The following COLGALT2 variants were observed in gnomAD, a reference collection of about 807,000 sequenced individuals.
COLGALT2 encodes the protein procollagen galactosyltransferase 2.
Under a neutral mutation model 73.4 loss-of-function variants are expected in COLGALT2, and 49 were observed. The ratio of observed to expected loss-of-function variants is 0.67; its 90% confidence interval spans 0.53 to 0.85. The LOEUF (loss-of-function observed/expected upper bound fraction) is 0.85, where lower values mean the gene tolerates loss of function less well. COLGALT2 is among the 40% of genes least tolerant of loss of function. COLGALT2 has a pLI of 0.00. For synonymous variants in COLGALT2, 295 were observed against 307.6 expected (o/e 0.96, Z 0.43); for missense variants, 722 against 790.2 (o/e 0.91, Z 1.03).
chr1:184,034,079 C>A (rs2102864604), intron 1 of COLGALT2, among the ~76,000 whole-genome samples: 1 of 152,260 alleles, frequency 6.6e-6, no homozygotes, highest in East Asian at 1.9e-4. Context: ...CTGTAACATC[C>A]TAAACTGAGG....
intron 6 of COLGALT2, among the ~76,000 whole-genome samples, chr1:183,955,459 G>A (rs778946149): frequency 2.0e-5 from 3 of 152,128 alleles, no homozygotes; most frequent in Non-Finnish European, 4.4e-5. Context: ...GTGTGGGTGC[G>A]CAAAAGGTCC....
In COLGALT2 at chr1:183,945,538, G is replaced by A. The variant is rs1031557853; in HGVS notation, c.1163C>T (p.Ala388Val). 5 of 1,614,044 alleles carry A rather than the reference G, an allele frequency of 3.1e-6. No homozygotes were observed. In the East Asian group the frequency reaches 1.1e-4, roughly 36 times the overall value. Reference sequence around the variant, plus strand: ...GCCAGGCAGCATTTCAATATTCAGTGCCTTCAGCTGGCTTGTGTTGAGTGC... The same window carrying A: ...GCCAGGCAGCATTTCAATATTCAGTACCTTCAGCTGGCTTGTGTTGAGTGC... ...GKALNTSQLK[A>V]LNIEMLPGYR... The change falls in exon 9 of 12, where the codon GCA becomes GTA. Residue 388 changes from alanine to valine, a missense_variant. Transcript: ENST00000361927.
chr1:184,032,621 A>G (rs911290442), intron 1 of COLGALT2, among the ~76,000 whole-genome samples: 1 of 152,214 alleles, frequency 6.6e-6, no homozygotes, highest in Admixed American at 6.5e-5. Context: ...AAAGGTGAGG[A>G]AAACAGACTA....
At chr1:183,972,029 A>C (rs923990277) in intron 4 of COLGALT2, among the ~76,000 whole-genome samples, 2 of 152,226 alleles carry the variant, frequency 1.3e-5, no homozygotes, top group Non-Finnish European at 2.9e-5. Context: ...CACACTACTG[A>C]CCTTATTTCT....
intron 5 of COLGALT2, 42 bp from the exon 6 acceptor site, chr1:183,964,062 A>G (rs1670797809): frequency 6.2e-7 from 1 of 1,607,018 alleles, no homozygotes; most frequent in Non-Finnish European, 8.5e-7. Context: ...ATCAGAAAAC[A>G]TACTGCTGAG....
intron 1 of COLGALT2, among the ~76,000 whole-genome samples, chr1:183,980,744 T>TAC (rs147251301): frequency 0.047 from 7,056 of 151,578 alleles, 533 homozygotes; most frequent in African/African-American, 0.16. Context: ...TATAAAGATT[T>TAC]ACACACACAC....
intron 10 of COLGALT2, among the ~76,000 whole-genome samples, chr1:183,942,081 T>C (rs1670129724): frequency 6.6e-6 from 1 of 152,088 alleles, no homozygotes; most frequent in African/African-American, 2.4e-5. Context: ...CCTGAGTAGC[T>C]GGGACTACAG....
At chr1:183,959,414 C>A (rs565589453) in intron 6 of COLGALT2, among the ~76,000 whole-genome samples, 2 of 152,132 alleles carry the variant, frequency 1.3e-5, no homozygotes, top group East Asian at 1.9e-4. Flanking sequence ...AGCTCCCCAA[C>A]CCCCAGTCTT....
chr1:183,973,652 G>T lies in COLGALT2; in HGVS notation c.591C>A (p.Gly197=). Residue 197 remains glycine, a synonymous_variant, in exon 4 of 12, where the codon GGC becomes GGA. Transcript: ENST00000361927. ...TTCCGCACCAGAAATTAGAATACAGGCCCCGAGACTCCAGCATGGGGGCCA... is the reference window on the plus strand; with the variant it reads ...TTCCGCACCAGAAATTAGAATACAGTCCCCGAGACTCCAGCATGGGGGCCA... ...TIVAPMLESR[G]LYSNFWCGIT... 3.7e-6 allele frequency: 6 copies of T among 1,613,968 alleles called. No homozygotes were observed. The highest frequency in any genetic ancestry group is 3.3e-4 in the Middle Eastern group (2 of 6,062).
At chr1:184,031,817 ATCCTTCCTTCCT>A (rs57492822) in intron 1 of COLGALT2, among the ~76,000 whole-genome samples, 2,350 of 139,302 alleles carry the variant, frequency 0.017, 38 homozygotes, top group East Asian at 0.019. Flanking sequence ...CCATGAATGT[ATCCTTCCTTCCT>A]TCCTTCCTTC....
chr1:183,993,373 A>C (rs1671683616), intron 1 of COLGALT2, among the ~76,000 whole-genome samples: 1 of 152,244 alleles, frequency 6.6e-6, no homozygotes, highest in Non-Finnish European at 1.5e-5. Flanking sequence ...AGGTTCAAGC[A>C]AATATAATTG....
intron 5 of COLGALT2, chr1:183,964,404 A>G (rs1670807602): frequency 3.8e-6 from 1 of 263,806 alleles, no homozygotes. Flanking sequence ...ATGAGGAATG[A>G]AATCCACATT....
At position 183,945,430 on chromosome 1, in the gene COLGALT2, A is replaced by G; in HGVS notation, c.1269+2T>C. The G allele has an allele frequency of 6.2e-7, 1 of 1,613,582 alleles. No individual in the cohort carries two copies. Among genetic ancestry groups the G allele is most frequent in the Non-Finnish European group, 8.5e-7 (1 of 1,179,894 alleles). On this transcript the variant is annotated splice_donor_variant, in intron 9 of 11. Transcript: ENST00000361927. LOFTEE classifies it high-confidence loss of function. ...CTGCAATCTGAATAAAGCATTATTT[A>G]CCTCTTTCCAGACTGAGTAGTGGCT...
intron 5 of COLGALT2, 81 bp downstream of exon 5, chr1:183,969,188 T>TTC: frequency 7.9e-7 from 1 of 1,269,328 alleles, no homozygotes; most frequent in Non-Finnish European, 1.1e-6. Context: ...GGTTTTTTTT[T>TTC]TTAATAAAAT....
At chr1:184,035,513 C>G (rs563052403) in intron 1 of COLGALT2, among the ~76,000 whole-genome samples, 1 of 152,122 alleles carries the variant, frequency 6.6e-6, no homozygotes, top group Non-Finnish European at 1.5e-5. Flanking sequence ...GCAAGTCTGT[C>G]TCTTTCTTTG....
intron 1 of COLGALT2, among the ~76,000 whole-genome samples, chr1:184,013,682 T>C (rs1648886795): frequency 6.6e-6 from 1 of 152,050 alleles, no homozygotes; most frequent in Admixed American, 6.5e-5. Context: ...GGGAGTAATA[T>C]GGCCAAGTTT....
intron 1 of COLGALT2, among the ~76,000 whole-genome samples, chr1:184,006,475 T>C (rs1328111078): frequency 6.6e-6 from 1 of 152,008 alleles, no homozygotes; most frequent in Non-Finnish European, 1.5e-5. Context: ...TCCCAGCTAC[T>C]TGGGAGTCTG....
At chr1:183,942,049 T>C (rs1452346869) in intron 10 of COLGALT2, among the ~76,000 whole-genome samples, 1 of 151,846 alleles carries the variant, frequency 6.6e-6, no homozygotes, top group Non-Finnish European at 1.5e-5. Flanking sequence ...CCTGGGTTCA[T>C]GCCAGTCTCC....
chr1:184,003,028 C>A (rs1423033120), intron 1 of COLGALT2, among the ~76,000 whole-genome samples: 2 of 152,016 alleles, frequency 1.3e-5, no homozygotes, highest in African/African-American at 4.8e-5. Flanking sequence ...AAATATTCAA[C>A]AGTAGGTGAC....
Sources: allele counts gnomAD v4.1 joint callset (sites outside exome capture counted in the v4.1 genomes callset), GRCh38; gene constraint gnomAD v4.1.1; transcripts MANE v1.5; gene names NCBI Gene and HGNC (gene_info 2026-07-23, HGNC 2026-07-21).